The following CNTNAP2 variants were observed in gnomAD, a reference collection of about 807,000 sequenced individuals.
CNTNAP2 encodes the protein contactin associated protein 2, also known as contactin-associated protein-like 2.
A neutral mutation model predicts 155.2 loss-of-function variants in CNTNAP2; 98 were observed. The observed-to-expected ratio is 0.63, with a 90% confidence interval of 0.54 to 0.75. The LOEUF (loss-of-function observed/expected upper bound fraction) is 0.75. Ranked by LOEUF, CNTNAP2 falls within the 30% of genes least tolerant of loss-of-function variation. The pLI is 0.00. For synonymous variants in CNTNAP2, 651 were observed against 631.2 expected (o/e 1.03, Z -0.47); for missense variants, 1,727 against 1,688.1 (o/e 1.02, Z -0.40).
chr7:147,512,027 C>T (rs1799032159), intron 11 of CNTNAP2, among the ~76,000 whole-genome samples: 1 of 152,174 alleles, frequency 6.6e-6, no homozygotes, highest in South Asian at 2.1e-4. Context: ...TAGTAGACAG[C>T]ATTACCTTGG....
intron 15 of CNTNAP2, among the ~76,000 whole-genome samples, chr7:148,063,586 A>T (rs2189881): frequency 0.086 from 12,064 of 140,122 alleles, 849 homozygotes; most frequent in African/African-American, 0.2. Flanking sequence ...TCTTTTTTTA[A>T]TTTTTTTTTT....
chr7:146,398,276 C>G (rs2535752), intron 1 of CNTNAP2, among the ~76,000 whole-genome samples: 24,855 of 149,238 alleles, frequency 0.17, 3,454 homozygotes, highest in African/African-American at 0.38. Flanking sequence ...TTGACTCACA[C>G]TTCCACAGGG....
chr7:147,518,454 G>T (rs1159946646), intron 11 of CNTNAP2, among the ~76,000 whole-genome samples: 1 of 152,162 alleles, frequency 6.6e-6, no homozygotes, highest in Admixed American at 6.5e-5. Flanking sequence ...GACTTTGGGG[G>T]CCTGTCCTAG....
chr7:147,897,815 A>C (rs544003048), intron 13 of CNTNAP2, among the ~76,000 whole-genome samples: 110 of 152,306 alleles, frequency 7.2e-4, no homozygotes, highest in African/African-American at 2.6e-3. Flanking sequence ...AAGGAGAAAA[A>C]TTTATTATTG....
Position 146,441,350 on chromosome 7 carries a change from C to A in CNTNAP2, c.97+324377C>A, listed in dbSNP as rs148360653. On this transcript the variant is annotated intron_variant, in intron 1 of 23. Transcript: ENST00000361727. ...TTCAGAGGACTTTCATATTGCAAGACAATTCATATGCAAGTTGTCCTCAAG... is the reference window on the plus strand; with the variant it reads ...TTCAGAGGACTTTCATATTGCAAGAAAATTCATATGCAAGTTGTCCTCAAG... Among the ~76,000 whole-genome samples the A allele has an allele frequency of 3.6e-3, 550 of 151,574 alleles. 6 individuals carry two copies. The highest frequency in any genetic ancestry group is 5.9e-3 in the Non-Finnish European group (399 of 68,010).
chr7:146,940,510 A>C (rs1393107966), intron 3 of CNTNAP2, among the ~76,000 whole-genome samples: 2 of 151,760 alleles, frequency 1.3e-5, no homozygotes, highest in Non-Finnish European at 1.5e-5. Flanking sequence ...TTTTTAACAG[A>C]GTGTTAAAGG....
chr7:147,060,781 G>A (rs1224651027), intron 4 of CNTNAP2, among the ~76,000 whole-genome samples: 3 of 151,838 alleles, frequency 2.0e-5, no homozygotes, highest in Non-Finnish European at 2.9e-5. Context: ...GGAGAATGGC[G>A]TGAACCTGGG....
intron 1 of CNTNAP2, among the ~76,000 whole-genome samples, chr7:146,163,509 ATATATATC>A (rs1178397949): frequency 4.8e-4 from 21 of 43,784 alleles, no homozygotes; most frequent in South Asian, 1.6e-3. Context: ...CTATATATCT[ATATATATC>A]TATATATATC....
In CNTNAP2 at chr7:146,158,287, GC is replaced by G. The variant is rs1248685217; in HGVS notation, c.97+41316del. On this transcript the variant is annotated intron_variant, in intron 1 of 23. Transcript: ENST00000361727. ...GATAAAACCACAAAGATGGGAAGAA[GC>G]CAGAGCAGGAAAGCTGAAAATTCTA... Among the ~76,000 whole-genome samples the G allele has an allele frequency of 2.6e-5, 4 of 152,292 alleles. No individual in the cohort carries two copies. In the East Asian group the frequency reaches 5.8e-4, roughly 22 times the overall value.
At chr7:148,127,512 A>G (rs1411222011) in intron 16 of CNTNAP2, among the ~76,000 whole-genome samples, 2 of 152,212 alleles carry the variant, frequency 1.3e-5, no homozygotes, top group Non-Finnish European at 2.9e-5. Context: ...CTCCACAAAA[A>G]TGTGCAGGCA....
At chr7:146,412,799 C>G (rs1387428977) in intron 1 of CNTNAP2, among the ~76,000 whole-genome samples, 2 of 152,128 alleles carry the variant, frequency 1.3e-5, no homozygotes, top group Admixed American at 6.5e-5. Context: ...TTCTGTGGCT[C>G]CTCAAACATT....
At chr7:146,588,987 C>T (rs1798741161) in intron 1 of CNTNAP2, among the ~76,000 whole-genome samples, 1 of 152,174 alleles carries the variant, frequency 6.6e-6, no homozygotes, top group African/African-American at 2.4e-5. Flanking sequence ...TTTCATGTCA[C>T]TATAATTATT....
At chr7:147,320,788 G>A (rs1440151551) in intron 9 of CNTNAP2, among the ~76,000 whole-genome samples, 3 of 152,226 alleles carry the variant, frequency 2.0e-5, no homozygotes, top group Non-Finnish European at 2.9e-5. Flanking sequence ...TTTCACTCTC[G>A]CAGAGGTCCC....
intron 14 of CNTNAP2, chr7:147,940,361 T>C (rs10952717): frequency 0.3 from 41,103 of 137,328 alleles, 6,363 homozygotes; most frequent in East Asian, 0.58. Context: ...AACTTACCAA[T>C]ATAGGTAGCG....
chr7:148,168,586 T>G (rs903493997), intron 17 of CNTNAP2, among the ~76,000 whole-genome samples: 1 of 138,966 alleles, frequency 7.2e-6, no homozygotes, highest in African/African-American at 2.6e-5. Flanking sequence ...GGGGGAGGGA[T>G]AGCATTAGGA....
intron 21 of CNTNAP2, among the ~76,000 whole-genome samples, chr7:148,363,607 C>T (rs916166706): frequency 5.3e-5 from 8 of 152,228 alleles, no homozygotes. Context: ...TTCCTTCTAT[C>T]TGGAATGCTT....
At chr7:147,690,210 A>C (rs150412628) in intron 13 of CNTNAP2, among the ~76,000 whole-genome samples, 2,506 of 152,152 alleles carry the variant, frequency 0.016, 221 homozygotes, top group Admixed American at 0.15. Flanking sequence ...TGGCAGTTTC[A>C]TTTCTCCAAA....
chr7:147,144,283 G>A (rs895560594), intron 8 of CNTNAP2, among the ~76,000 whole-genome samples: 9 of 152,134 alleles, frequency 5.9e-5, no homozygotes, highest in African/African-American at 2.2e-4. Context: ...CTTTATACGA[G>A]ACATTACGTG....
Position 146,926,005 on chromosome 7 carries a change from C to T in CNTNAP2, c.402+86101C>T, listed in dbSNP as rs73742622. Among the ~76,000 whole-genome samples the T allele has an allele frequency of 8.4e-3, 1,285 of 152,190 alleles. 20 individuals are homozygous for T. The highest frequency in any genetic ancestry group is 0.03 in the African/African-American group (1,245 of 41,534). On this transcript the variant is annotated intron_variant, in intron 3 of 23. Coordinates refer to ENST00000361727, the MANE Select transcript of CNTNAP2 (RefSeq NM_014141.6). The stretch of plus-strand genomic sequence containing the variant: ...TATCTTGTCCAAACTGGAAGACCAG[C>T]CGTTTCACTATTCAATTTGAAAGTA...
Sources: gnomAD v4.1 joint callset for allele counts (sites outside exome capture counted in the v4.1 genomes callset) on GRCh38, gnomAD v4.1.1 for gene constraint, MANE v1.5 for transcripts, NCBI Gene and HGNC (gene_info 2026-07-23, HGNC 2026-07-21) for gene names.